The following WDR20 variants were observed in gnomAD, a reference collection of about 807,000 sequenced individuals.
WDR20 encodes the protein WD repeat domain 20.
Under a neutral mutation model 38.7 loss-of-function variants are expected in WDR20, and 3 were observed. The observed-to-expected ratio is 0.08, with a 90% CI of 0.04 to 0.20. The LOEUF is 0.20. WDR20 is among the 10% of genes least tolerant of loss of function. The pLI is 1.00. For synonymous variants in WDR20, 298 were observed against 285.6 expected, an observed-to-expected ratio of 1.04 and a Z score of -0.44; for missense variants, 559 against 727.7, an observed-to-expected ratio of 0.77 and a Z score of 2.67.
At chr14:102,158,884 C>T (rs964429298) in intron 1 of WDR20, among the ~76,000 whole-genome samples, 1 of 152,098 alleles carries the variant, frequency 6.6e-6, no homozygotes. Context: ...AAACGTGTCG[C>T]TGTTTCTCTC....
At chr14:102,165,570 T>G (rs2059580759) in intron 1 of WDR20, among the ~76,000 whole-genome samples, 1 of 152,068 alleles carries the variant, frequency 6.6e-6, no homozygotes, top group Non-Finnish European at 1.5e-5. Flanking sequence ...GTATAATCAT[T>G]GTGGTATTAA....
At chr14:102,144,187 A>G (rs1427588079) in intron 1 of WDR20, among the ~76,000 whole-genome samples, 2 of 151,980 alleles carry the variant, frequency 1.3e-5, no homozygotes, top group Non-Finnish European at 2.9e-5. Flanking sequence ...TAAAACAACA[A>G]AAAAGGGGAG....
intron 1 of WDR20, among the ~76,000 whole-genome samples, chr14:102,162,693 A>G (rs1462423395): frequency 6.6e-6 from 1 of 151,854 alleles, no homozygotes; most frequent in Non-Finnish European, 1.5e-5. Flanking sequence ...AGCTCACTGC[A>G]ACCTCTGCCT....
At chr14:102,214,888 C>CTGTTT, downstream of WDR20, 1 of 981,704 alleles carries the variant, frequency 1.0e-6, no homozygotes, top group Non-Finnish European at 1.2e-6. Flanking sequence ...TTTTTTTTAG[C>CTGTTT]TGTTGCCTTG....
At chr14:102,172,270 AG>A (rs1397366394) in intron 1 of WDR20, among the ~76,000 whole-genome samples, 1 of 150,744 alleles carries the variant, frequency 6.6e-6, no homozygotes, top group African/African-American at 2.4e-5. Context: ...AATTTTTCTT[AG>A]TACAGAACAA....
At chr14:102,203,751 C>T (rs577835775) in intron 2 of WDR20, among the ~76,000 whole-genome samples, 1 of 152,228 alleles carries the variant, frequency 6.6e-6, no homozygotes, top group African/African-American at 2.4e-5. Context: ...AGATCAAGGC[C>T]CCATTGACAT....
At chr14:102,192,871 A>G (rs1169034202) in intron 1 of WDR20, among the ~76,000 whole-genome samples, 1 of 152,040 alleles carries the variant, frequency 6.6e-6, no homozygotes, top group Non-Finnish European at 1.5e-5. Context: ...GCAGTGGTGC[A>G]ATCCTAGTTA....
At chr14:102,170,424 T>C (rs974782203) in intron 1 of WDR20, among the ~76,000 whole-genome samples, 21 of 152,216 alleles carry the variant, frequency 1.4e-4, no homozygotes, top group African/African-American at 5.1e-4. Flanking sequence ...CTAAAAATTG[T>C]ACCAATTTTT....
chr14:102,224,385 C>T (rs1329917622), downstream of WDR20: 2 of 354,850 alleles, frequency 5.6e-6, no homozygotes. Flanking sequence ...TCGTGAGCAT[C>T]TGAGTTTAGG....
exon 4 of WDR20, chr14:102,223,479 A>G (rs769018853): frequency 6.6e-6 from 1 of 152,646 alleles, no homozygotes; most frequent in Non-Finnish European, 1.5e-5. Flanking sequence ...TGCGGCGTGA[A>G]GATGCCCTTT....
At chr14:102,205,638 C>G (rs1394981724) in intron 2 of WDR20, among the ~76,000 whole-genome samples, 2 of 152,072 alleles carry the variant, frequency 1.3e-5, no homozygotes, top group Non-Finnish European at 2.9e-5. Context: ...TGTTGCTGCC[C>G]ACAGACACTG....
intron 1 of WDR20, among the ~76,000 whole-genome samples, chr14:102,161,523 A>G (rs2058752303): frequency 6.6e-6 from 1 of 151,962 alleles, no homozygotes; most frequent in African/African-American, 2.4e-5. Flanking sequence ...CATATTGCCC[A>G]TGCTGGGTTC....
intron 1 of WDR20, among the ~76,000 whole-genome samples, chr14:102,144,121 G>T (rs187096990): frequency 6.6e-6 from 1 of 152,152 alleles, no homozygotes; most frequent in Admixed American, 6.5e-5. Context: ...AGGTTACAGT[G>T]AGCTATGATT....
At chr14:102,168,973 G>A (rs1421566759) in intron 1 of WDR20, among the ~76,000 whole-genome samples, 3 of 152,088 alleles carry the variant, frequency 2.0e-5, no homozygotes, top group African/African-American at 4.8e-5. Flanking sequence ...CATATTCTTC[G>A]CTGCTTAAAA....
intron 1 of WDR20, chr14:102,167,264 G>A (rs1466440737): frequency 1.3e-5 from 2 of 152,176 alleles, no homozygotes; most frequent in African/African-American, 4.8e-5. Flanking sequence ...CCAGGCTGGA[G>A]TGCAGTGCTG....
intron 2 of WDR20, chr14:102,195,908 G>C (rs1481032828): frequency 1.3e-5 from 2 of 152,192 alleles, no homozygotes; most frequent in African/African-American, 4.8e-5. Flanking sequence ...AGATAAGGTA[G>C]GCTTGCTGAG....
At position 102,210,077 on chromosome 14, in the gene WDR20, T is replaced by C; in HGVS notation, c.*197T>C. The C allele has an allele frequency of 3.7e-6, 5 of 1,355,902 alleles. No individual in the cohort carries two copies. Among genetic ancestry groups the C allele is most frequent in the Non-Finnish European group, 4.7e-6 (5 of 1,059,792 alleles). The allele number at this position is 1,355,902 out of a possible 1,614,324, so 84.0% of individuals were successfully genotyped here. ...TTACCTTAGAGCATTTAAAAAAATA[T>C]AATCAAACTAATTGCCAGCCAAGTC... is the stretch of plus-strand genomic sequence containing the variant. On this transcript the variant is annotated 3_prime_UTR_variant, in exon 3 of 3. Transcript: ENST00000342702.
chr14:102,201,560 G>GT (rs2060380056), intron 2 of WDR20, among the ~76,000 whole-genome samples: 1 of 152,098 alleles, frequency 6.6e-6, no homozygotes, highest in Admixed American at 6.5e-5. Context: ...ATTTTTCTTT[G>GT]TATTCATATC....
Position 102,194,921 on chromosome 14 carries a change from T to C in WDR20, c.250-17T>C. 6.2e-7 allele frequency: 1 copy of C among 1,612,600 alleles called. No homozygotes were observed. The highest frequency in any genetic ancestry group is 1.3e-5 in the African/African-American group (1 of 74,990). Reference sequence around the variant, plus strand: ...AATGTGCTGTTTACTGTATGTATTTTTCTCTTTCTCCTCCAGGCTGCTGAC... The same window carrying C: ...AATGTGCTGTTTACTGTATGTATTTCTCTCTTTCTCCTCCAGGCTGCTGAC... On this transcript the variant is annotated splice_polypyrimidine_tract_variant and intron_variant, in intron 1 of 2. Transcript: ENST00000342702.
Sources: gnomAD v4.1 joint callset for allele counts (sites outside exome capture counted in the v4.1 genomes callset) on GRCh38, gnomAD v4.1.1 for gene constraint, MANE v1.5 for transcripts, NCBI Gene and HGNC (gene_info 2026-07-23, HGNC 2026-07-21) for gene names.